Variants in CEP131 observed in about 807,000 individuals in gnomAD.
The protein encoded by CEP131 is centrosomal protein 131, also known as centrosomal protein of 131 kDa.
Under a neutral mutation model 136.8 loss-of-function variants are expected in CEP131, and 99 were observed. The ratio of observed to expected loss-of-function variants is 0.72; its 90% CI spans 0.62 to 0.86. CEP131 has a LOEUF of 0.86. Ranked by LOEUF, CEP131 falls within the 40% of genes least tolerant of loss-of-function variation. CEP131 has a pLI of 0.00. For synonymous variants in CEP131, 646 were observed against 612.7 expected, an observed-to-expected ratio of 1.05 and a Z score of -0.80; for missense variants, 1,459 against 1,463.0, an observed-to-expected ratio of 1.00 and a Z score of 0.04.
Position 81,191,092 on chromosome 17 carries a change from T to TG in CEP131, c.2766-9dup. ...TCCCGTAAGCGCTTGATGCTGGAGG[T>TG]GGGGGGAGGGCAGGGTCACTCCAGC... On this transcript the variant is annotated splice_polypyrimidine_tract_variant and intron_variant, in intron 22 of 25. Transcript: ENST00000450824. The TG allele has an allele frequency of 6.3e-7, 1 of 1,599,060 alleles. No homozygotes were observed. The highest frequency in any genetic ancestry group is 8.5e-7 in the Non-Finnish European group (1 of 1,171,494).
Position 81,198,217 on chromosome 17 carries a change from T to C in CEP131, c.1368A>G (p.Pro456=), listed in dbSNP as rs1189475815. The change falls in exon 12 of 26, where the codon CCA becomes CCG. Residue 456 remains proline (P), a synonymous_variant. Coordinates refer to ENST00000450824, the MANE Select transcript of CEP131 (RefSeq NM_014984.4). ...PSRGSAKSRG[P]LEELLHTLQL... The stretch of plus-strand genomic sequence containing the variant: ...GCAGTGTGTGCAGCAGCTCCTCCAG[T>C]GGCCCCCTGGACTTGGCGCTCCCCC... 3.1e-6 allele frequency: 5 copies of C among 1,598,050 alleles called. No homozygotes were observed. Among genetic ancestry groups the C allele is most frequent in the Non-Finnish European group, 1.7e-6 (2 of 1,172,402 alleles).
Position 81,208,789 on chromosome 17 carries a change from C to T in CEP131, c.272+139G>A. 1 of 673,408 alleles carries T rather than the reference C, an allele frequency of 1.5e-6. No homozygotes were observed. Among genetic ancestry groups the T allele is most frequent in the Admixed American group, 2.8e-5 (1 of 36,026 alleles). 41.7% of individuals were successfully genotyped at this position (673,408 alleles called of 1,614,324 possible). Reference sequence around the variant, plus strand: ...ACAAAGCTGGCCCGTGAGGTCACTCCAGGCCTCACTAGCCAGCAAGGGCCC... The same window carrying T: ...ACAAAGCTGGCCCGTGAGGTCACTCTAGGCCTCACTAGCCAGCAAGGGCCC... On this transcript the variant is annotated intron_variant, in intron 3 of 25. Coordinates refer to ENST00000450824, the MANE Select transcript of CEP131 (RefSeq NM_014984.4). The surrounding 1 kb of genome is among the most constrained non-coding windows in gnomAD (Gnocchi z 5.6).
intron 13 of CEP131, chr17:81,197,446 G>A (rs1167064916): frequency 1.3e-5 from 7 of 559,814 alleles, no homozygotes; most frequent in Non-Finnish European, 1.9e-5. Context: ...GAGGCAGCTC[G>A]GGGCAGCGGG....
chr17:81,200,560 G>GT, intron 7 of CEP131, 114 bp from the exon 8 acceptor site: 1 of 777,424 alleles, frequency 1.3e-6, no homozygotes, highest in South Asian at 1.6e-5. Flanking sequence ...CTGCACTCAA[G>GT]TAGCCCTTTT....
chr17:81,192,261 T>C (rs1478460806), intron 21 of CEP131, 57 bp downstream of exon 21: 3 of 1,501,286 alleles, frequency 2.0e-6, no homozygotes, highest in Non-Finnish European at 2.7e-6. Flanking sequence ...AGCCCCCAAC[T>C]CCTGCCCACG....
intron 10 of CEP131, 60 bp from the exon 11 acceptor site, chr17:81,199,031 G>C: frequency 1.4e-6 from 2 of 1,422,994 alleles, no homozygotes; most frequent in Non-Finnish European, 1.8e-6. Flanking sequence ...CAGCAACTCT[G>C]GAGGCACCCC....
intron 15 of CEP131, among the ~76,000 whole-genome samples, chr17:81,196,472 G>T (rs2061756995): frequency 6.6e-6 from 1 of 152,210 alleles, no homozygotes; most frequent in Non-Finnish European, 1.5e-5. Flanking sequence ...GGGGCCGGCA[G>T]GACACCCCAC....
chr17:81,207,152 G>C lies in CEP131; in HGVS notation c.360C>G (p.Ser120Arg). ...GGACGTTCCAGGTGGCTCCCTTCTC[G>C]CTGGGGGCTGTGCTCAGGCTGGCAG... is the stretch of plus-strand genomic sequence containing the variant. Reference protein sequence around the residue: ...KRPASLSTAPSEKGATWNVLD... With the variant: ...KRPASLSTAPREKGATWNVLD... Residue 120 changes from serine (S) to arginine (R), a missense_variant, in exon 4 of 26, where the codon AGC (serine) becomes AGG (arginine). This residue lies in a region of CEP131 where 187 missense variants were observed against 179.9 expected (regional missense o/e 1.04). Transcript: ENST00000450824. 6.2e-7 allele frequency: 1 copy of C among 1,613,164 alleles called. No individual in the cohort carries two copies. Among genetic ancestry groups the C allele is most frequent in the East Asian group, 2.2e-5 (1 of 44,850 alleles).
At chr17:81,220,424 G>T (rs1219634366) in intron 1 of CEP131, among the ~76,000 whole-genome samples, 1 of 152,288 alleles carries the variant, frequency 6.6e-6, no homozygotes, top group South Asian at 2.1e-4. Context: ...ACCCCACACC[G>T]TGATTCTGAG....
At position 81,208,100 on chromosome 17, in the gene CEP131, T is replaced by C. The variant is rs570477647; in HGVS notation, c.272+828A>G. Among the ~76,000 whole-genome samples, 3,065 of 117,908 alleles carry C rather than the reference T, an allele frequency of 0.026. 103 individuals are homozygous for C. The highest frequency in any genetic ancestry group is 0.089 in the African/African-American group (2,786 of 31,388). The allele number at this position is 117,908 out of a possible 152,430, so 77.4% of individuals were successfully genotyped here. On this transcript the variant is annotated intron_variant, in intron 3 of 25. Coordinates refer to ENST00000450824, the MANE Select transcript of CEP131 (RefSeq NM_014984.4). This position sits in a 1 kb window ranked among gnomAD's most constrained non-coding sequence, Gnocchi z 5.6. Reference sequence around the variant, plus strand: ...ACACACCACACCACACACACACACTTATGCCACACACCCACACACCACACA... The same window carrying C: ...ACACACCACACCACACACACACACTCATGCCACACACCCACACACCACACA...
Position 81,198,890 on chromosome 17 carries a change from T to C in CEP131, c.1274A>G (p.Glu425Gly), listed in dbSNP as rs1325864958. 2 of 1,588,426 alleles carry C rather than the reference T, an allele frequency of 1.3e-6. No homozygotes were observed. Among genetic ancestry groups the C allele is most frequent in the Non-Finnish European group, 1.7e-6 (2 of 1,168,306 alleles). Residue 425 changes from glutamate to glycine, a missense_variant, in exon 11 of 26, where the codon GAG becomes GGG. Glu to Gly is a moderately conservative substitution (Grantham distance 98). This residue lies in a region of CEP131 where 1,026 missense variants were observed against 964.2 expected (regional missense o/e 1.06). Transcript: ENST00000450824. ...DSSPEPQQPP[E>G]DRTQDVLAQD... is the part of the protein sequence containing the mutation. The stretch of plus-strand genomic sequence containing the variant: ...CTGTGCTCAGACCTGCGTCCTGTCC[T>C]CTGGAGGCTGCTGTGGTTCTGGGGA...
chr17:81,206,484 C>T (rs949207314), intron 5 of CEP131, among the ~76,000 whole-genome samples: 4 of 152,198 alleles, frequency 2.6e-5, no homozygotes, highest in African/African-American at 9.7e-5. Context: ...CAGGCCCCAC[C>T]CTCTCAGCCC....
At position 81,219,877 on chromosome 17, in the gene CEP131, C is replaced by T; in HGVS notation, c.177+3G>A. On this transcript the variant is annotated splice_donor_region_variant and intron_variant, in intron 2 of 25. Transcript: ENST00000450824. The surrounding 1 kb of genome is among the most constrained non-coding windows in gnomAD (Gnocchi z 4.0). ...GCCCGGACTCCTAGGCCACAGTACT[C>T]ACCAGCACCTTCCTCTTCTGCTCGC... The T allele has an allele frequency of 6.2e-7, 1 of 1,600,540 alleles. No individual in the cohort carries two copies.
At chr17:81,192,928 G>T in intron 18 of CEP131, 85 bp from the exon 19 acceptor site, 1 of 1,514,600 alleles carries the variant, frequency 6.6e-7, no homozygotes, top group Non-Finnish European at 8.8e-7. Flanking sequence ...GCCGACCACA[G>T]GCCTGACTCA....
chr17:81,211,785 T>G (rs1387312210), intron 2 of CEP131, among the ~76,000 whole-genome samples: 7 of 151,704 alleles, frequency 4.6e-5, no homozygotes, highest in Non-Finnish European at 8.8e-5. Context: ...ATAAAAAAAT[T>G]AGCCAGGCGT....
chr17:81,194,259 G>A lies in CEP131; in HGVS notation c.2120-132C>T, dbSNP rs374431779. 97 of 813,334 alleles carry A rather than the reference G, an allele frequency of 1.2e-4. 2 individuals are homozygous for A. Among genetic ancestry groups the A allele is most frequent in the African/African-American group, 1.1e-3 (61 of 54,932 alleles). The allele number at this position is 813,334 out of a possible 1,614,324, so 50.4% of individuals were successfully genotyped here. A position where few individuals can be genotyped will look rare whatever the true frequency, so the allele number is the denominator to read the frequency against. Reference sequence around the variant, plus strand: ...CCCAGGGCCTCCTTGGATCCAACCCGAAGCACAGCTGAGTCTTGACGCCCA... The same window carrying A: ...CCCAGGGCCTCCTTGGATCCAACCCAAAGCACAGCTGAGTCTTGACGCCCA... On this transcript the variant is annotated intron_variant, in intron 17 of 25. Coordinates refer to ENST00000450824, the MANE Select transcript of CEP131 (RefSeq NM_014984.4).
Position 81,203,452 on chromosome 17 carries a change from G to T in CEP131, c.629+42C>A. 1 of 1,498,090 alleles carries T rather than the reference G, an allele frequency of 6.7e-7. No homozygotes were observed. Among genetic ancestry groups the T allele is most frequent in the Non-Finnish European group, 9.1e-7 (1 of 1,102,256 alleles). 92.8% of individuals were successfully genotyped at this position (1,498,090 alleles called of 1,614,324 possible). A position where few individuals can be genotyped will look rare whatever the true frequency, so the allele number is the denominator to read the frequency against. ...TGCACTGACTACATGCCCTAACTGA[G>T]GTCGGACCCCGCAGCCCCGCGGCCT... is the stretch of plus-strand genomic sequence containing the variant. On this transcript the variant is annotated intron_variant, in intron 6 of 25. Transcript: ENST00000450824. This position sits in a 1 kb window ranked among gnomAD's most constrained non-coding sequence, Gnocchi z 4.6.
intron 4 of CEP131, 105 bp downstream of exon 4, chr17:81,207,020 A>C: frequency 6.6e-7 from 1 of 1,514,684 alleles, no homozygotes. Flanking sequence ...TAAGCTTGAC[A>C]CCCTCCCTGC....
At chr17:81,206,956 C>A in intron 4 of CEP131, 85 bp from the exon 5 acceptor site, 1 of 1,553,628 alleles carries the variant, frequency 6.4e-7, no homozygotes, top group South Asian at 1.2e-5. Flanking sequence ...ACGGGAGGAG[C>A]CACCAACTTC....
Sources: gnomAD v4.1 joint callset for allele counts (sites outside exome capture counted in the v4.1 genomes callset) on GRCh38, gnomAD v4.1.1 for gene constraint, gnomAD v4.1.1 regional missense constraint, Gnocchi (gnomAD v3.1) non-coding constraint, MANE v1.5 for transcripts, NCBI Gene and HGNC (gene_info 2026-07-23, HGNC 2026-07-21) for gene names.